Variants in CAST observed in about 807,000 individuals in gnomAD.
CAST encodes MIR583 host.
In CAST, 76 loss-of-function variants were observed where a neutral mutation model predicts 119.6. The ratio of observed to expected loss-of-function variants is 0.64; its 90% CI spans 0.53 to 0.77. CAST has a LOEUF of 0.77. Ranked by LOEUF, CAST falls within the 30% of genes least tolerant of loss-of-function variation. CAST has a pLI of 0.00. For missense variants in CAST, 953 were observed against 946.5 expected (o/e 1.01, Z -0.09); for synonymous variants, 319 against 331.6 (o/e 0.96, Z 0.41).
the CAST span, among the ~76,000 whole-genome samples, chr5:96,236,524 A>T: frequency 1.3e-5 from 2 of 152,180 alleles, no homozygotes; most frequent in African/African-American, 4.8e-5. Flanking sequence ...AAATGTGCAT[A>T]AATAGGCACT....
chr5:96,532,036 T>G (rs1413140718), intron 1 of CAST, among the ~76,000 whole-genome samples: 1 of 152,170 alleles, frequency 6.6e-6, no homozygotes, highest in Non-Finnish European at 1.5e-5. Context: ...GAGAATTGCT[T>G]GAGCCCAGGA....
intron 1 of CAST, among the ~76,000 whole-genome samples, chr5:96,598,530 T>C (rs1747091724): frequency 6.6e-6 from 1 of 152,192 alleles, no homozygotes; most frequent in African/African-American, 2.4e-5. Context: ...CTCTGTGGCC[T>C]CTGAGTTGGG....
chr5:96,006,679 C>T, the CAST span, among the ~76,000 whole-genome samples: 8 of 152,158 alleles, frequency 5.3e-5, no homozygotes, highest in Non-Finnish European at 1.0e-4. Context: ...CTGTTGCTGT[C>T]ATCAGAACAG....
At chr5:96,669,965 G>A (rs1227154128) in intron 1 of CAST, among the ~76,000 whole-genome samples, 2 of 152,180 alleles carry the variant, frequency 1.3e-5, no homozygotes, top group East Asian at 3.8e-4. Flanking sequence ...TGACACAAAT[G>A]TTTCTAAAAG....
chr5:96,703,862 A>G (rs1017353977), intron 3 of CAST, among the ~76,000 whole-genome samples: 1 of 152,218 alleles, frequency 6.6e-6, no homozygotes, highest in Admixed American at 6.5e-5. Flanking sequence ...TCTATTTCCT[A>G]ATCAGCACTA....
the CAST span, among the ~76,000 whole-genome samples, chr5:96,253,632 A>G: frequency 6.6e-6 from 1 of 152,136 alleles, no homozygotes; most frequent in African/African-American, 2.4e-5. Flanking sequence ...AGTTTGCACA[A>G]CTACATAGTG....
the CAST span, among the ~76,000 whole-genome samples, chr5:95,987,160 A>G: frequency 2.8e-4 from 43 of 152,152 alleles, no homozygotes; most frequent in Middle Eastern, 3.4e-3. Flanking sequence ...ATTTATCTAT[A>G]ACTCAACACC....
chr5:96,544,645 T>TA (rs1745972479), intron 1 of CAST, among the ~76,000 whole-genome samples: 1 of 151,888 alleles, frequency 6.6e-6, no homozygotes, highest in African/African-American at 2.4e-5. Context: ...AGCTGAGAGA[T>TA]AAAAATTGAA....
intron 4 of CAST, among the ~76,000 whole-genome samples, chr5:96,725,440 C>G (rs1759080407): frequency 6.6e-6 from 1 of 152,156 alleles, no homozygotes; most frequent in Non-Finnish European, 1.5e-5. Flanking sequence ...AACCTCAGGT[C>G]CACCATGGAT....
At chr5:96,523,983 A>G (rs924308960), upstream of CAST, among the ~76,000 whole-genome samples, 1 of 152,240 alleles carries the variant, frequency 6.6e-6, no homozygotes, top group Non-Finnish European at 1.5e-5. Context: ...GCAGTTCTAC[A>G]AGGAAGAAAA....
At chr5:96,153,580 ATTCTG>A in the CAST span, among the ~76,000 whole-genome samples, 1 of 152,186 alleles carries the variant, frequency 6.6e-6, no homozygotes, top group Non-Finnish European at 1.5e-5. Context: ...TGACTTCACC[ATTCTG>A]AAGCTCATTT....
the CAST span, among the ~76,000 whole-genome samples, chr5:96,167,326 T>C: frequency 6.6e-6 from 1 of 152,082 alleles, no homozygotes; most frequent in Non-Finnish European, 1.5e-5. Flanking sequence ...CATTTATGTG[T>C]AGTTGAGAAT....
chr5:96,546,650 T>C (rs558026861), intron 1 of CAST: 2 of 152,342 alleles, frequency 1.3e-5, no homozygotes, highest in South Asian at 4.1e-4. Flanking sequence ...ATTTGTCACA[T>C]ACACTTCAAG....
At chr5:96,471,442 T>C in the CAST span, among the ~76,000 whole-genome samples, 22 of 152,150 alleles carry the variant, frequency 1.4e-4, no homozygotes, top group African/African-American at 5.3e-4. Context: ...ATCAGAGGAG[T>C]TTGCATAACA....
chr5:95,970,016 T>TA, the CAST span, among the ~76,000 whole-genome samples: 1 of 152,212 alleles, frequency 6.6e-6, no homozygotes, highest in African/African-American at 2.4e-5. Flanking sequence ...GGGCCACTCT[T>TA]ACTAACACAG....
chr5:96,004,164 G>T, the CAST span, among the ~76,000 whole-genome samples: 1 of 152,198 alleles, frequency 6.6e-6, no homozygotes, highest in Non-Finnish European at 1.5e-5. Flanking sequence ...ACTTTATGGG[G>T]CCTCTGTCAT....
At chr5:96,271,201 A>C in the CAST span, among the ~76,000 whole-genome samples, 3 of 152,182 alleles carry the variant, frequency 2.0e-5, no homozygotes, top group Admixed American at 6.5e-5. Context: ...AAGTGACAAT[A>C]CTATCCAAAG....
At chr5:96,763,017 C>T (rs1482520661) in intron 25 of CAST, 41 of 686,496 alleles carry the variant, frequency 6.0e-5, no homozygotes, top group Non-Finnish European at 7.2e-5. Flanking sequence ...ACCAAGGAGA[C>T]CACAGCACAT....
chr5:96,537,554 A>C (rs1745842210), intron 1 of CAST, among the ~76,000 whole-genome samples: 1 of 89,998 alleles, frequency 1.1e-5, no homozygotes, highest in Non-Finnish European at 2.4e-5. Flanking sequence ...GCAACACAGG[A>C]AGAGAAAAAA....
Sources: gnomAD v4.1 joint callset for allele counts (sites outside exome capture counted in the v4.1 genomes callset) on GRCh38, gnomAD v4.1.1 for gene constraint, MANE v1.5 for transcripts, NCBI Gene and HGNC (gene_info 2026-07-23, HGNC 2026-07-21) for gene names.